TOX3: variants seen among roughly 807,000 people sequenced by gnomAD.
TOX3 encodes the protein TOX high mobility group box family member 3, also known as CAG trinucleotide repeat-containing gene F9 protein.
In TOX3, 22 loss-of-function variants were observed where a neutral mutation model predicts 64.3. The ratio of observed to expected loss-of-function variants is 0.34; its 90% confidence interval spans 0.24 to 0.49. The LOEUF (loss-of-function observed/expected upper bound fraction) is 0.49, where lower values mean the gene tolerates loss of function less well. TOX3 is among the 20% of genes least tolerant of loss of function. The pLI is 0.99. For missense variants in TOX3, 661 were observed against 714.4 expected, an observed-to-expected ratio of 0.93 and a Z score of 0.85; for synonymous variants, 291 against 273.6, an observed-to-expected ratio of 1.06 and a Z score of -0.63.
chr16:52,439,611 G>GCTT lies in TOX3; in HGVS notation c.1344_1345insAAG (p.Gln448_Gln449insLys). Reference sequence around the variant, plus strand: ...TGCATCTGTTGTTGTTGCTGCTGCTGCTGCTGCTGCAATTGCATCTGATGC... The same window carrying GCTT: ...TGCATCTGTTGTTGTTGCTGCTGCTGCTTCTGCTGCTGCAATTGCATCTGATGC... On this transcript the variant is annotated inframe_insertion, in exon 7 of 7. Coordinates refer to ENST00000219746, the MANE Select transcript of TOX3 (RefSeq NM_001080430.4). The GCTT allele has an allele frequency of 6.2e-7, 1 of 1,611,218 alleles. No individual in the cohort carries two copies. Among genetic ancestry groups the GCTT allele is most frequent in the Non-Finnish European group, 8.5e-7 (1 of 1,178,080 alleles).
chr16:52,447,729 ATGAATG>A (rs1206174876), intron 4 of TOX3, among the ~76,000 whole-genome samples: 2 of 152,196 alleles, frequency 1.3e-5, no homozygotes, highest in East Asian at 1.9e-4. Context: ...ATTCTACTTA[ATGAATG>A]TGAATTTCCA....
chr16:52,525,674 C>T (rs1270850078), intron 1 of TOX3, among the ~76,000 whole-genome samples: 2 of 152,150 alleles, frequency 1.3e-5, no homozygotes, highest in Non-Finnish European at 2.9e-5. Context: ...TGCCAAAATG[C>T]AAGTGCGTGC....
intron 1 of TOX3, among the ~76,000 whole-genome samples, chr16:52,508,628 T>C (rs1419205679): frequency 6.6e-6 from 1 of 152,104 alleles, no homozygotes; most frequent in Non-Finnish European, 1.5e-5. Context: ...AAGAGATGTA[T>C]GGTAAAATTT....
Position 52,531,308 on chromosome 16 carries a change from A to T in TOX3, c.87+15329T>A, listed in dbSNP as rs532699486. ...TAGTTTGTGGTGCTGATCTATTACC[A>T]CTGCAATGACTGTCAATAGTGACCC... On this transcript the variant is annotated intron_variant, in intron 1 of 6. Transcript: ENST00000219746. 2.0e-5 allele frequency among the ~76,000 whole-genome samples: 3 copies of T among 152,318 alleles called. No individual in the cohort carries two copies. In the South Asian group the frequency reaches 6.2e-4, roughly 32 times the overall value.
At chr16:52,472,300 G>A (rs1961072366) in intron 1 of TOX3, among the ~76,000 whole-genome samples, 1 of 152,136 alleles carries the variant, frequency 6.6e-6, no homozygotes, top group Non-Finnish European at 1.5e-5. Flanking sequence ...TCTTAAAGGG[G>A]GAGACAGGAA....
chr16:52,535,877 A>G (rs1962934481), intron 1 of TOX3, among the ~76,000 whole-genome samples: 2 of 152,236 alleles, frequency 1.3e-5, no homozygotes, highest in African/African-American at 4.8e-5. Context: ...TAAAAATAAA[A>G]TGTAAACTTA....
At chr16:52,485,256 A>ATATATATATGTG (rs1555484158) in intron 1 of TOX3, among the ~76,000 whole-genome samples, 22 of 145,540 alleles carry the variant, frequency 1.5e-4, no homozygotes, top group African/African-American at 5.2e-4. Context: ...GTATATATAT[A>ATATATATATGTG]TATATATATA....
intron 1 of TOX3, among the ~76,000 whole-genome samples, chr16:52,516,176 AAATC>A (rs1352589343): frequency 6.6e-6 from 1 of 152,222 alleles, no homozygotes; most frequent in Non-Finnish European, 1.5e-5. Context: ...ATACCTAAGA[AAATC>A]AATCAAAGAT....
At chr16:52,463,190 C>G (rs1474345000) in intron 3 of TOX3, among the ~76,000 whole-genome samples, 4 of 152,038 alleles carry the variant, frequency 2.6e-5, no homozygotes, top group African/African-American at 9.7e-5. Flanking sequence ...TTAAAAATGT[C>G]TACTTAGTAC....
chr16:52,545,792 C>T (rs1020018683), intron 1 of TOX3, among the ~76,000 whole-genome samples: 1 of 152,104 alleles, frequency 6.6e-6, no homozygotes, highest in South Asian at 2.1e-4. Context: ...GAATTCCGCG[C>T]GGCCCGGGTA....
chr16:52,479,805 T>C (rs1248562379), intron 1 of TOX3, among the ~76,000 whole-genome samples: 2 of 152,194 alleles, frequency 1.3e-5, no homozygotes, highest in Admixed American at 1.3e-4. Context: ...CCAATATCGC[T>C]GGGAGGAATA....
chr16:52,451,470 A>C (rs941204006), intron 3 of TOX3, among the ~76,000 whole-genome samples: 2 of 152,152 alleles, frequency 1.3e-5, no homozygotes, highest in African/African-American at 4.8e-5. Context: ...TTAATTCCAA[A>C]GAATCAAAAA....
Position 52,546,879 on chromosome 16 carries a change from C to G in TOX3, c.-156G>C. ...GCCGGGACCCAGAGCCCGAGGAGCT[C>G]GGGAGCCGCGGCCGCCGCACACAAA... On this transcript the variant is annotated 5_prime_UTR_variant, in exon 1 of 7. Transcript: ENST00000219746. The G allele has an allele frequency of 8.5e-7, 1 of 1,173,040 alleles. No homozygotes were observed. The highest frequency in any genetic ancestry group is 1.1e-6 in the Non-Finnish European group (1 of 950,764). The allele number at this position is 1,173,040 out of a possible 1,614,324, so 72.7% of individuals were successfully genotyped here.
At chr16:52,514,153 C>T (rs1165196002) in intron 1 of TOX3, among the ~76,000 whole-genome samples, 4 of 152,164 alleles carry the variant, frequency 2.6e-5, no homozygotes, top group African/African-American at 9.7e-5. Flanking sequence ...TTACTATCTC[C>T]TTATTTCTAA....
intron 1 of TOX3, among the ~76,000 whole-genome samples, chr16:52,496,308 T>C (rs914450423): frequency 2.0e-5 from 3 of 152,222 alleles, no homozygotes; most frequent in Non-Finnish European, 4.4e-5. Context: ...GCAGTAATAA[T>C]TTTTGATTGG....
chr16:52,523,581 A>G (rs1317508473), intron 1 of TOX3, among the ~76,000 whole-genome samples: 1 of 152,222 alleles, frequency 6.6e-6, no homozygotes, highest in Non-Finnish European at 1.5e-5. Flanking sequence ...TTTAACATCA[A>G]TGAGTCCTGT....
At chr16:52,522,487 C>T (rs557354159) in intron 1 of TOX3, among the ~76,000 whole-genome samples, 1 of 152,290 alleles carries the variant, frequency 6.6e-6, no homozygotes, top group East Asian at 1.9e-4. Flanking sequence ...GAAGAAGTCT[C>T]GTCTCTTGCA....
intron 1 of TOX3, among the ~76,000 whole-genome samples, chr16:52,487,093 C>A (rs1040743414): frequency 6.6e-6 from 1 of 151,954 alleles, no homozygotes; most frequent in African/African-American, 2.4e-5. Context: ...AAATGGAAAT[C>A]CTTGGAACAA....
chr16:52,507,846 G>C (rs566177575), intron 1 of TOX3, among the ~76,000 whole-genome samples: 1 of 152,052 alleles, frequency 6.6e-6, no homozygotes, highest in Admixed American at 6.5e-5. Flanking sequence ...AGAATTTCTA[G>C]ATTACATTAT....
Sources: allele counts gnomAD v4.1 joint callset (sites outside exome capture counted in the v4.1 genomes callset), GRCh38; gene constraint gnomAD v4.1.1; transcripts MANE v1.5; gene names NCBI Gene and HGNC (gene_info 2026-07-23, HGNC 2026-07-21).